F11: variants seen among roughly 807,000 people sequenced by gnomAD.
F11 encodes the protein coagualtion factor XI.
In F11, 78 loss-of-function variants were observed where a neutral mutation model predicts 76.5. That is an observed-to-expected ratio of 1.02 (90% CI 0.85 to 1.23). F11 has a LOEUF of 1.23. Ranked by LOEUF, F11 falls within the 50% of genes most tolerant of loss-of-function variation. F11 has a pLI of 0.00. For missense variants in F11, 742 were observed against 771.4 expected (o/e 0.96, Z 0.45); for synonymous variants, 278 against 276.3 (o/e 1.01, Z -0.06).
intron 10 of F11, among the ~76,000 whole-genome samples, chr4:186,281,668 T>C (rs530483476): frequency 1.5e-4 from 23 of 152,326 alleles, no homozygotes; most frequent in Non-Finnish European, 2.9e-4. Flanking sequence ...TTGATTTACA[T>C]AAAGCTGCAT....
At chr4:186,269,007 C>G (rs894398652) in intron 2 of F11, among the ~76,000 whole-genome samples, 3 of 152,104 alleles carry the variant, frequency 2.0e-5, no homozygotes. Flanking sequence ...TTTATAAGGT[C>G]AGGGTAATCT....
At position 186,276,276 on chromosome 4, in the gene F11, A is replaced by G. The variant is rs1304100073; in HGVS notation, c.641A>G (p.Asn214Ser). The G allele has an allele frequency of 6.2e-7, 1 of 1,614,198 alleles. No homozygotes were observed. The highest frequency in any genetic ancestry group is 1.1e-5 in the South Asian group (1 of 91,090). Residue 214 changes from asparagine to serine, a missense_variant, in exon 7 of 15, where the codon AAC becomes AGC. By Grantham distance (46) the Asn-to-Ser change is conservative (BLOSUM62 1). Coordinates refer to ENST00000403665, the MANE Select transcript of F11 (RefSeq NM_000128.4). ...CCTAATACGGTGTTTGCAGACAGCAACATCGACAGTGTCATGGCTCCCGAT... is the reference window on the plus strand; with the variant it reads ...CCTAATACGGTGTTTGCAGACAGCAGCATCGACAGTGTCATGGCTCCCGAT... ...IFPNTVFADS[N>S]IDSVMAPDAF...
rs770505620 is a variant in F11 at position 186,280,097 on chromosome 4, C to T, written c.841C>T (p.Gln281Ter). ...CAAAGCTCTTTCTGGTTTCAGTCTA[C>T]AAAGCTGCAGGCACAGCATCCCAGG... ...KSKALSGFSL[Q>*]SCRHSIPVFC... The change falls in exon 8 of 15, where the codon CAA becomes TAA. Residue 281 changes from glutamine to a stop codon, truncating the protein, a stop_gained. Transcript: ENST00000403665. LOFTEE classifies it high-confidence loss of function. 1.6e-5 allele frequency: 26 copies of T among 1,614,142 alleles called. No individual in the cohort carries two copies. The East Asian group carries it at 4.0e-4, about 25-fold the overall frequency.
intron 2 of F11, among the ~76,000 whole-genome samples, chr4:186,271,252 A>G (rs927970917): frequency 6.6e-6 from 1 of 152,184 alleles, no homozygotes; most frequent in Admixed American, 6.5e-5. Context: ...AGACGCAATT[A>G]GGAAAGGAAA....
downstream of F11, among the ~76,000 whole-genome samples, chr4:186,289,682 A>ATTT (rs11444909): frequency 7.3e-6 from 1 of 137,740 alleles, no homozygotes; most frequent in African/African-American, 2.7e-5. Context: ...ATCAAGTGTG[A>ATTT]TTTTTTTTTT....
downstream of F11, among the ~76,000 whole-genome samples, chr4:186,289,775 T>C (rs1444368182): frequency 6.7e-6 from 1 of 150,226 alleles, no homozygotes; most frequent in African/African-American, 2.5e-5. Flanking sequence ...CTCTACCTCC[T>C]GGATTCAAGC....
chr4:186,275,851 G>A lies in F11; in HGVS notation c.550G>A (p.Val184Met), dbSNP rs374606272. The change falls in exon 6 of 15, where the codon GTG becomes ATG. Residue 184 changes from valine (V) to methionine (M), a missense_variant. Transcript: ENST00000403665. ...AACCAGAATAACGAAGCTCGATAAA[G>A]TGGTGTCTGGATTTTCACTGAAATC... ...TPTRITKLDK[V>M]VSGFSLKSCA... 1.1e-5 allele frequency: 17 copies of A among 1,613,506 alleles called. No individual in the cohort carries two copies. The African/African-American group carries it at 2.1e-4, about 20-fold the overall frequency.
intron 12 of F11, 172 bp from the exon 13 acceptor site, chr4:186,286,243 C>A: frequency 3.1e-6 from 2 of 637,724 alleles, no homozygotes; most frequent in Non-Finnish European, 5.5e-6. Flanking sequence ...CTCATCCTGG[C>A]ACATGTGCGA....
At chr4:186,268,158 C>A (rs1739645546) in intron 2 of F11, among the ~76,000 whole-genome samples, 2 of 152,104 alleles carry the variant, frequency 1.3e-5, no homozygotes, top group African/African-American at 4.8e-5. Context: ...ATTATATCTG[C>A]ACTCAACATG....
chr4:186,284,326 T>C, intron 11 of F11, 66 bp downstream of exon 11: 2 of 1,364,626 alleles, frequency 1.5e-6, no homozygotes, highest in Non-Finnish European at 2.1e-6. Context: ...ATTACTAGCA[T>C]GTTAGGAAAT....
At chr4:186,289,692 T>C (rs1301087923), downstream of F11, among the ~76,000 whole-genome samples, 3 of 151,882 alleles carry the variant, frequency 2.0e-5, no homozygotes, top group Non-Finnish European at 2.9e-5. Flanking sequence ...ATTTTTTTTT[T>C]TTTTTTTTGA....
intron 1 of F11, among the ~76,000 whole-genome samples, chr4:186,266,799 A>G (rs1037509238): frequency 6.6e-6 from 1 of 152,150 alleles, no homozygotes; most frequent in African/African-American, 2.4e-5. Context: ...ACAAAGATGA[A>G]AAATTGGGGT....
Position 186,288,956 on chromosome 4 carries a change from G to T in F11, c.*342G>T. 1 of 317,092 alleles carries T rather than the reference G, an allele frequency of 3.2e-6. No individual in the cohort carries two copies. The highest frequency in any genetic ancestry group is 6.1e-6 in the Non-Finnish European group (1 of 163,356). The allele number at this position is 317,092 out of a possible 1,614,324, so 19.6% of individuals were successfully genotyped here. A position where few individuals can be genotyped will look rare whatever the true frequency, so the allele number is the denominator to read the frequency against. ...GCAGTGGGGATCAGGCAGAAGAACTGGTAAAAGAAGCCACCATAAATAGAT... is the reference window on the plus strand; with the variant it reads ...GCAGTGGGGATCAGGCAGAAGAACTTGTAAAAGAAGCCACCATAAATAGAT... On this transcript the variant is annotated 3_prime_UTR_variant, in exon 15 of 15. Transcript: ENST00000403665.
At chr4:186,269,957 C>T (rs578205121) in intron 2 of F11, among the ~76,000 whole-genome samples, 42 of 151,996 alleles carry the variant, frequency 2.8e-4, no homozygotes, top group Non-Finnish European at 7.4e-5. Context: ...TACGTAATAG[C>T]GGAATATTGA....
At position 186,288,693 on chromosome 4, in the gene F11, A is replaced by G. The variant is rs2126792104; in HGVS notation, c.*79A>G. On this transcript the variant is annotated 3_prime_UTR_variant, in exon 15 of 15. Transcript: ENST00000403665. ...AGGGTGTTGAGTTCACTGTGCCAGC[A>G]TGCTTCCTCCACAGTAACACGCTGA... The G allele has an allele frequency of 6.8e-7, 1 of 1,479,956 alleles. No homozygotes were observed. The highest frequency in any genetic ancestry group is 9.3e-7 in the Non-Finnish European group (1 of 1,078,294). 91.7% of individuals were successfully genotyped at this position (1,479,956 alleles called of 1,614,324 possible). A position where few individuals can be genotyped will look rare whatever the true frequency, so the allele number is the denominator to read the frequency against.
At chr4:186,286,569 G>T in intron 13 of F11, 59 bp downstream of exon 13, 1 of 1,603,372 alleles carries the variant, frequency 6.2e-7, no homozygotes, top group South Asian at 1.1e-5. Flanking sequence ...AACCTTTTCT[G>T]CCCTGTCAAG....
chr4:186,290,088 T>TA (rs1375571571), downstream of F11, among the ~76,000 whole-genome samples: 1 of 152,118 alleles, frequency 6.6e-6, no homozygotes, highest in Non-Finnish European at 1.5e-5. Flanking sequence ...ATACTCTAGT[T>TA]AACATGAGCA....
intron 14 of F11, 170 bp from the exon 15 acceptor site, chr4:186,288,283 G>A: frequency 1.3e-6 from 1 of 783,712 alleles, no homozygotes; most frequent in Admixed American, 2.0e-5. Flanking sequence ...GACTTAGACT[G>A]AAATCAAAAG....
intron 3 of F11, 146 bp downstream of exon 3, chr4:186,271,917 G>A: frequency 9.9e-7 from 1 of 1,008,660 alleles, no homozygotes; most frequent in Non-Finnish European, 1.5e-6. Context: ...GTTACAGAAA[G>A]AAGTGATGGT....
Sources: gnomAD v4.1 joint callset for allele counts (sites outside exome capture counted in the v4.1 genomes callset) on GRCh38, gnomAD v4.1.1 for gene constraint, MANE v1.5 for transcripts, NCBI Gene and HGNC (gene_info 2026-07-23, HGNC 2026-07-21) for gene names.